GLIS3: variants seen among roughly 807,000 people sequenced by gnomAD.
GLIS3 encodes zinc finger protein GLIS3.
Under a neutral mutation model 78.6 loss-of-function variants are expected in GLIS3, and 53 were observed. The ratio of observed to expected loss-of-function variants is 0.67; its 90% CI spans 0.54 to 0.85. The LOEUF is 0.85. Ranked by LOEUF, GLIS3 falls within the 40% of genes least tolerant of loss-of-function variation. The pLI, the probability that GLIS3 is intolerant of heterozygous loss-of-function variation, is 0.00. For missense variants in GLIS3, 1,703 were observed against 1,231.1 expected (o/e 1.38, Z -5.74); for synonymous variants, 684 against 509.9 (o/e 1.34, Z -4.60).
chr9:3,835,959 T>C (rs916081321), intron 9 of GLIS3, among the ~76,000 whole-genome samples: 3 of 152,216 alleles, frequency 2.0e-5, no homozygotes, highest in Non-Finnish European at 4.4e-5. Flanking sequence ...AGTAACATAA[T>C]TTCATACTAC....
At chr9:4,276,714 T>C (rs1287602046) in intron 2 of GLIS3, among the ~76,000 whole-genome samples, 2 of 152,176 alleles carry the variant, frequency 1.3e-5, no homozygotes, top group Non-Finnish European at 2.9e-5. Context: ...CTTTTATAAT[T>C]GGAACAAATC....
intron 2 of GLIS3, among the ~76,000 whole-genome samples, chr9:4,167,569 C>G (rs2131112857): frequency 6.6e-6 from 1 of 152,140 alleles, no homozygotes; most frequent in East Asian, 1.9e-4. Context: ...AACAGGTGCC[C>G]AATATATGCT....
At chr9:4,214,832 G>A (rs796453859) in intron 2 of GLIS3, among the ~76,000 whole-genome samples, 18 of 152,150 alleles carry the variant, frequency 1.2e-4, no homozygotes, top group African/African-American at 4.3e-4. Context: ...GCATTTCATA[G>A]GCTGGAAAAA....
chr9:4,109,034 G>C (rs573959833), intron 4 of GLIS3, among the ~76,000 whole-genome samples: 1 of 152,244 alleles, frequency 6.6e-6, no homozygotes, highest in South Asian at 2.1e-4. Flanking sequence ...GTTCAGGACT[G>C]AGTCACTGGG....
chr9:4,036,354 A>G (rs1824307522), intron 4 of GLIS3, among the ~76,000 whole-genome samples: 2 of 151,810 alleles, frequency 1.3e-5, no homozygotes, highest in Non-Finnish European at 2.9e-5. Flanking sequence ...TTGTAGTTTT[A>G]CTATTCTCTG....
chr9:3,851,232 A>G (rs1372998051), intron 9 of GLIS3, among the ~76,000 whole-genome samples: 1 of 152,236 alleles, frequency 6.6e-6, no homozygotes, highest in Non-Finnish European at 1.5e-5. Flanking sequence ...CTCTTGGGCA[A>G]CTAATCCAGG....
chr9:4,166,821 A>T (rs1363822311), intron 2 of GLIS3, among the ~76,000 whole-genome samples: 1 of 152,242 alleles, frequency 6.6e-6, no homozygotes, highest in Non-Finnish European at 1.5e-5. Context: ...GGTAATTAAG[A>T]GGGCAGATGG....
chr9:4,030,418 G>A (rs1204167826), intron 4 of GLIS3, among the ~76,000 whole-genome samples: 6 of 152,172 alleles, frequency 3.9e-5, no homozygotes, highest in East Asian at 1.9e-4. Flanking sequence ...TTTGTCGGTC[G>A]CTATACAGAA....
the GLIS3 span, among the ~76,000 whole-genome samples, chr9:4,448,600 T>C: frequency 1.3e-5 from 2 of 152,356 alleles, no homozygotes; most frequent in Non-Finnish European, 2.9e-5. Context: ...GTGGGATGCA[T>C]TTCTCCTCCT....
At chr9:4,298,256 T>G (rs926023316) in intron 1 of GLIS3, 8 of 326,718 alleles carry the variant, frequency 2.4e-5, no homozygotes, top group Admixed American at 3.6e-5. Context: ...GGCCCCCCGG[T>G]CCCCGCCGAG....
chr9:4,227,045 A>G (rs1424344395), intron 2 of GLIS3, among the ~76,000 whole-genome samples: 1 of 152,196 alleles, frequency 6.6e-6, no homozygotes, highest in Admixed American at 6.5e-5. Context: ...GCAAGGGGGA[A>G]GCCTGGTGCA....
At chr9:4,122,122 T>C (rs1832238689) in intron 3 of GLIS3, among the ~76,000 whole-genome samples, 1 of 152,148 alleles carries the variant, frequency 6.6e-6, no homozygotes, top group Admixed American at 6.6e-5. Context: ...CAAAAATGAT[T>C]AGGGTGGCTG....
intron 4 of GLIS3, among the ~76,000 whole-genome samples, chr9:4,023,939 C>T (rs1368582548): frequency 6.6e-6 from 1 of 151,426 alleles, no homozygotes; most frequent in East Asian, 1.9e-4. Context: ...AGGCTGGATC[C>T]AGGGTTGTCA....
chr9:4,077,216 T>C (rs1038488142), intron 4 of GLIS3, among the ~76,000 whole-genome samples: 5 of 152,236 alleles, frequency 3.3e-5, no homozygotes, highest in Non-Finnish European at 7.3e-5. Context: ...AATAACCTTA[T>C]AGCTTAATTT....
chr9:3,922,355 G>A (rs1824946742), intron 6 of GLIS3, among the ~76,000 whole-genome samples: 1 of 152,184 alleles, frequency 6.6e-6, no homozygotes, highest in Admixed American at 6.5e-5. Flanking sequence ...TTAAGCCACT[G>A]TGATTCATTG....
At chr9:3,943,187 A>G (rs949910764) in intron 4 of GLIS3, among the ~76,000 whole-genome samples, 2 of 152,210 alleles carry the variant, frequency 1.3e-5, no homozygotes, top group South Asian at 4.1e-4. Context: ...ATGCATTTAC[A>G]TGCTCTAGCA....
At chr9:4,053,605 G>A (rs1330991028) in intron 4 of GLIS3, among the ~76,000 whole-genome samples, 3 of 148,236 alleles carry the variant, frequency 2.0e-5, no homozygotes, top group African/African-American at 7.5e-5. Flanking sequence ...TCTTTCTCTA[G>A]TGGATAAATG....
At chr9:4,127,855 A>G (rs1366376029) in intron 2 of GLIS3, among the ~76,000 whole-genome samples, 1 of 152,220 alleles carries the variant, frequency 6.6e-6, no homozygotes, top group Non-Finnish European at 1.5e-5. Flanking sequence ...AAAGGTATTA[A>G]TATCTATCTA....
chr9:3,871,930 TTC>T (rs1203971332), intron 8 of GLIS3, among the ~76,000 whole-genome samples: 1 of 152,240 alleles, frequency 6.6e-6, no homozygotes, highest in Non-Finnish European at 1.5e-5. Context: ...TTTTTCAAAC[TTC>T]TATGCTCTGT....
Sources: allele counts gnomAD v4.1 joint callset (sites outside exome capture counted in the v4.1 genomes callset), GRCh38; gene constraint gnomAD v4.1.1; transcripts MANE v1.5; gene names NCBI Gene and HGNC (gene_info 2026-07-23, HGNC 2026-07-21).